PCDH9: variants seen among roughly 807,000 people sequenced by gnomAD.
The protein encoded by PCDH9 is protocadherin 9.
Under a neutral mutation model 70.6 loss-of-function variants are expected in PCDH9, and 24 were observed. That is an observed-to-expected ratio of 0.34 (90% CI 0.25 to 0.48). The LOEUF (loss-of-function observed/expected upper bound fraction) is 0.48. Among genes scored for constraint, PCDH9 ranks in the 20% least tolerant of loss-of-function variants. PCDH9 has a pLI of 0.99. For synonymous variants in PCDH9, 562 were observed against 558.5 expected (o/e 1.01, Z -0.09); for missense variants, 1,281 against 1,503.6 (o/e 0.85, Z 2.45).
chr13:66,512,692 T>G (rs1170349556), intron 4 of PCDH9, among the ~76,000 whole-genome samples: 1 of 152,170 alleles, frequency 6.6e-6, no homozygotes, highest in Non-Finnish European at 1.5e-5. Context: ...AAAGAAAAAT[T>G]ATTTCATATT....
At chr13:66,637,321 T>C (rs1480435368) in intron 3 of PCDH9, among the ~76,000 whole-genome samples, 1 of 152,190 alleles carries the variant, frequency 6.6e-6, no homozygotes, top group Non-Finnish European at 1.5e-5. Flanking sequence ...TCATTCATGT[T>C]TGAAAGATGA....
At chr13:66,432,823 T>C (rs1250159979) in intron 4 of PCDH9, among the ~76,000 whole-genome samples, 1 of 151,968 alleles carries the variant, frequency 6.6e-6, no homozygotes, top group Non-Finnish European at 1.5e-5. Flanking sequence ...TGAATACCAT[T>C]TAGTCTAAGT....
chr13:66,959,670 G>A (rs1417796198), intron 2 of PCDH9, among the ~76,000 whole-genome samples: 2 of 151,180 alleles, frequency 1.3e-5, no homozygotes, highest in Non-Finnish European at 2.9e-5. Flanking sequence ...AGGATTACTT[G>A]AGCTCAGGAG....
At chr13:67,214,935 G>GATATATATGTATAT (rs2089557079) in intron 2 of PCDH9, 1 of 89,248 alleles carries the variant, frequency 1.1e-5, no homozygotes, top group Non-Finnish European at 2.4e-5. Flanking sequence ...TTGCGAGCCA[G>GATATATATGTATAT]ATATATATAT....
At chr13:67,000,932 G>A (rs1245294047) in intron 2 of PCDH9, among the ~76,000 whole-genome samples, 1 of 151,998 alleles carries the variant, frequency 6.6e-6, no homozygotes, top group Non-Finnish European at 1.5e-5. Context: ...ATCTTTATTG[G>A]TAGTTTTTGA....
At chr13:66,664,608 C>T (rs1041849824) in intron 3 of PCDH9, among the ~76,000 whole-genome samples, 1 of 152,098 alleles carries the variant, frequency 6.6e-6, no homozygotes, top group African/African-American at 2.4e-5. Flanking sequence ...GGAGAGAATT[C>T]ATGTTTAAAG....
At chr13:67,228,965 T>C (rs2089949169) in intron 1 of PCDH9, among the ~76,000 whole-genome samples, 1 of 152,222 alleles carries the variant, frequency 6.6e-6, no homozygotes, top group Non-Finnish European at 1.5e-5. Context: ...TTAGCTACGG[T>C]TCCTGCTAAT....
At chr13:66,412,530 T>C (rs1355625902) in intron 4 of PCDH9, among the ~76,000 whole-genome samples, 6 of 152,212 alleles carry the variant, frequency 3.9e-5, no homozygotes, top group Admixed American at 3.9e-4. Flanking sequence ...TCATAGTATA[T>C]TTGCAGCCAC....
chr13:66,931,819 G>A (rs534825092), intron 2 of PCDH9, among the ~76,000 whole-genome samples: 2 of 152,042 alleles, frequency 1.3e-5, no homozygotes, highest in East Asian at 1.9e-4. Flanking sequence ...TTCCAGAAAT[G>A]ACAATATGGT....
intron 2 of PCDH9, among the ~76,000 whole-genome samples, chr13:67,048,564 G>A (rs2085265868): frequency 6.6e-6 from 1 of 152,176 alleles, no homozygotes; most frequent in South Asian, 2.1e-4. Context: ...GAGGAAGGAG[G>A]CCAAAAGAAA....
intron 4 of PCDH9, among the ~76,000 whole-genome samples, chr13:66,490,614 G>A (rs1022017609): frequency 1.2e-4 from 18 of 151,906 alleles, no homozygotes; most frequent in African/African-American, 2.4e-4. Flanking sequence ...AGATCAATTC[G>A]TAATGTTTAA....
At chr13:66,670,311 G>C (rs1345521935) in intron 3 of PCDH9, among the ~76,000 whole-genome samples, 2 of 152,128 alleles carry the variant, frequency 1.3e-5, no homozygotes, top group Non-Finnish European at 2.9e-5. Context: ...TAAGTAATCA[G>C]TACTTTGGTA....
At chr13:66,892,534 T>C (rs1566271634) in intron 3 of PCDH9, among the ~76,000 whole-genome samples, 1 of 151,966 alleles carries the variant, frequency 6.6e-6, no homozygotes, top group Non-Finnish European at 1.5e-5. Flanking sequence ...TGCTACGTTG[T>C]AAAGTGTTTA....
At chr13:66,676,496 T>C (rs951945630) in intron 3 of PCDH9, among the ~76,000 whole-genome samples, 1 of 152,132 alleles carries the variant, frequency 6.6e-6, no homozygotes, top group Non-Finnish European at 1.5e-5. Context: ...GTAATTCTTA[T>C]ATGACTTAAG....
intron 4 of PCDH9, among the ~76,000 whole-genome samples, chr13:66,577,546 G>A (rs1400033934): frequency 3.9e-5 from 6 of 151,918 alleles, no homozygotes; most frequent in Non-Finnish European, 5.9e-5. Context: ...ATTAGTCATT[G>A]TCCCTCGTCA....
At chr13:67,179,219 G>A (rs978670399) in intron 2 of PCDH9, among the ~76,000 whole-genome samples, 7 of 152,020 alleles carry the variant, frequency 4.6e-5, no homozygotes, top group Non-Finnish European at 8.8e-5. Context: ...GGTTTAGAGA[G>A]GTCACCTAGT....
chr13:67,133,589 G>A (rs965978223), intron 2 of PCDH9, among the ~76,000 whole-genome samples: 5 of 152,002 alleles, frequency 3.3e-5, no homozygotes, highest in Admixed American at 3.3e-4. Context: ...TTAGTTTAGT[G>A]CACTATAGAA....
At chr13:66,786,250 A>G (rs1291446359) in intron 3 of PCDH9, among the ~76,000 whole-genome samples, 1 of 152,176 alleles carries the variant, frequency 6.6e-6, no homozygotes, top group African/African-American at 2.4e-5. Flanking sequence ...AAGGAAAGCT[A>G]GGCACAATTC....
chr13:66,538,259 A>G (rs1451848053), intron 4 of PCDH9, among the ~76,000 whole-genome samples: 1 of 152,188 alleles, frequency 6.6e-6, no homozygotes, highest in Non-Finnish European at 1.5e-5. Context: ...AGACTGGGGA[A>G]ACATCTACAA....
Sources: gnomAD v4.1 joint callset for allele counts (sites outside exome capture counted in the v4.1 genomes callset) on GRCh38, gnomAD v4.1.1 for gene constraint, MANE v1.5 for transcripts, NCBI Gene and HGNC (gene_info 2026-07-23, HGNC 2026-07-21) for gene names.